The following FRMD6 variants were observed in gnomAD, a reference collection of about 807,000 sequenced individuals.
FRMD6 encodes the protein FERM domain containing 6.
In FRMD6, 37 loss-of-function variants were observed where a neutral mutation model predicts 73.2. That is an observed-to-expected ratio of 0.51 (90% confidence interval 0.39 to 0.66). The LOEUF (loss-of-function observed/expected upper bound fraction) is 0.66. Ranked by LOEUF, FRMD6 falls within the 30% of genes least tolerant of loss-of-function variation. The pLI is 0.00. For synonymous variants in FRMD6, 273 were observed against 282.2 expected, an observed-to-expected ratio of 0.97 and a Z score of 0.33; for missense variants, 714 against 780.5, an observed-to-expected ratio of 0.91 and a Z score of 1.02.
chr14:51,478,112 G>A, the FRMD6 span, among the ~76,000 whole-genome samples: 1 of 152,122 alleles, frequency 6.6e-6, no homozygotes, highest in Non-Finnish European at 1.5e-5. Flanking sequence ...AATGTTTTCT[G>A]TAACTGAGTG....
At chr14:51,441,391 C>T in the FRMD6 span, among the ~76,000 whole-genome samples, 2 of 152,220 alleles carry the variant, frequency 1.3e-5, no homozygotes, top group Admixed American at 6.5e-5. Context: ...TTATGCCTTC[C>T]CTCAGTTAGG....
At chr14:51,403,390 C>CTTTTATTTTA in the FRMD6 span, among the ~76,000 whole-genome samples, 562 of 150,922 alleles carry the variant, frequency 3.7e-3, 2 homozygotes, top group East Asian at 5.2e-3. Context: ...TATTCTGCAA[C>CTTTTATTTTA]TTTTATTTTA....
intron 1 of FRMD6, among the ~76,000 whole-genome samples, chr14:51,544,542 G>A (rs1354968339): frequency 1.3e-5 from 2 of 151,888 alleles, no homozygotes; most frequent in African/African-American, 2.4e-5. Flanking sequence ...ATTTTCCTTT[G>A]AGATTTTTTT....
chr14:51,668,592 C>A (rs2140220386), intron 1 of FRMD6, among the ~76,000 whole-genome samples: 1 of 152,112 alleles, frequency 6.6e-6, no homozygotes, highest in Non-Finnish European at 1.5e-5. Context: ...AGGCATGAGC[C>A]ACCGTGCCCA....
intron 1 of FRMD6, among the ~76,000 whole-genome samples, chr14:51,509,028 C>T (rs1423624799): frequency 2.0e-5 from 3 of 152,204 alleles, no homozygotes; most frequent in African/African-American, 7.2e-5. Context: ...GGATATCCTT[C>T]AAGTCATGAG....
At chr14:51,516,141 G>A (rs992370706) in intron 1 of FRMD6, among the ~76,000 whole-genome samples, 3 of 152,130 alleles carry the variant, frequency 2.0e-5, no homozygotes, top group African/African-American at 2.4e-5. Flanking sequence ...CTGCCAAAGA[G>A]CTGCCCACTG....
At chr14:51,688,333 G>A (rs764618957) in intron 1 of FRMD6, among the ~76,000 whole-genome samples, 14 of 151,986 alleles carry the variant, frequency 9.2e-5, no homozygotes, top group Admixed American at 9.2e-4. Context: ...ATGAAGTACC[G>A]TATATATGAT....
rs1360221416 is a variant in FRMD6, at chr14:51,728,864, A to G, written c.*835A>G. 6 of 152,310 alleles carry G rather than the reference A, an allele frequency of 3.9e-5. No homozygotes were observed. Among genetic ancestry groups the G allele is most frequent in the Admixed American group, 2.6e-4 (4 of 15,284 alleles). The allele number at this position is 152,310 out of a possible 1,614,324, so 9.4% of individuals were successfully genotyped here. A position where few individuals can be genotyped will look rare whatever the true frequency, so the allele number is the denominator to read the frequency against. ...GTGATGCTTTATTTGTTTAATTATC[A>G]AGAACAAATTATGGCAATGCTAGTT... On this transcript the variant is annotated 3_prime_UTR_variant, in exon 14 of 14. Coordinates refer to ENST00000344768, the MANE Select transcript of FRMD6 (RefSeq NM_001267046.2).
intron 2 of FRMD6, among the ~76,000 whole-genome samples, chr14:51,572,906 A>C (rs1381242006): frequency 6.6e-6 from 1 of 152,192 alleles, no homozygotes; most frequent in Non-Finnish European, 1.5e-5. Flanking sequence ...TTATAGACTC[A>C]CTTGAAATTT....
At chr14:51,457,952 T>A in the FRMD6 span, among the ~76,000 whole-genome samples, 2 of 152,136 alleles carry the variant, frequency 1.3e-5, no homozygotes, top group Non-Finnish European at 2.9e-5. Flanking sequence ...TAGAAGAGGA[T>A]CTTGAGAACT....
the FRMD6 span, among the ~76,000 whole-genome samples, chr14:51,426,116 T>C: frequency 6.6e-6 from 1 of 152,308 alleles, no homozygotes; most frequent in African/African-American, 2.4e-5. Flanking sequence ...CTAACAAATA[T>C]CCCATTTTAT....
chr14:51,676,753 T>G (rs576189850), intron 1 of FRMD6, among the ~76,000 whole-genome samples: 1 of 152,130 alleles, frequency 6.6e-6, no homozygotes, highest in Non-Finnish European at 1.5e-5. Flanking sequence ...TACCAAGTTA[T>G]GAAAAAAATT....
chr14:51,634,970 T>G (rs1001489280), intron 2 of FRMD6, among the ~76,000 whole-genome samples: 3 of 152,224 alleles, frequency 2.0e-5, no homozygotes, highest in Non-Finnish European at 4.4e-5. Context: ...CTGCTTTTTT[T>G]CTTTTTTTCA....
At chr14:51,634,828 TCA>T (rs1430003610) in intron 2 of FRMD6, among the ~76,000 whole-genome samples, 1 of 152,220 alleles carries the variant, frequency 6.6e-6, no homozygotes. Context: ...GCTTCAAGCT[TCA>T]GTTTTTTCAT....
At chr14:51,427,797 G>A in the FRMD6 span, among the ~76,000 whole-genome samples, 3 of 151,644 alleles carry the variant, frequency 2.0e-5, no homozygotes, top group African/African-American at 4.8e-5. Flanking sequence ...ATGTTGCGCT[G>A]AACTTGAAAG....
intron 2 of FRMD6, among the ~76,000 whole-genome samples, chr14:51,608,295 A>C (rs1890347004): frequency 6.6e-6 from 1 of 152,168 alleles, no homozygotes; most frequent in Non-Finnish European, 1.5e-5. Context: ...ACATAATCAG[A>C]CTTTTCCCTC....
chr14:51,691,785 G>A (rs1895600179), intron 2 of FRMD6, among the ~76,000 whole-genome samples: 1 of 151,350 alleles, frequency 6.6e-6, no homozygotes, highest in African/African-American at 2.4e-5. Flanking sequence ...AGTAGAGATG[G>A]GGTTTCACCA....
intron 1 of FRMD6, among the ~76,000 whole-genome samples, chr14:51,659,649 C>G (rs192353715): frequency 2.0e-5 from 3 of 152,286 alleles, no homozygotes; most frequent in Non-Finnish European, 4.4e-5. Flanking sequence ...GTCAAAAAAG[C>G]CAGCCTGCAG....
the FRMD6 span, among the ~76,000 whole-genome samples, chr14:51,454,311 C>G: frequency 6.6e-6 from 1 of 152,206 alleles, no homozygotes; most frequent in Non-Finnish European, 1.5e-5. Context: ...CCTTTGTAAA[C>G]ATTTTGGTCA....
Sources: allele counts gnomAD v4.1 joint callset (sites outside exome capture counted in the v4.1 genomes callset), GRCh38; gene constraint gnomAD v4.1.1; transcripts MANE v1.5; gene names NCBI Gene and HGNC (gene_info 2026-07-23, HGNC 2026-07-21).